Variants in FRY observed in about 807,000 individuals in gnomAD.
FRY encodes protein furry homolog.
Under a neutral mutation model 348.4 loss-of-function variants are expected in FRY, and 128 were observed. That is an observed-to-expected ratio of 0.37 (90% CI 0.32 to 0.43). FRY has a LOEUF of 0.43. FRY is among the 20% of genes least tolerant of loss of function. The pLI is 1.00. For synonymous variants in FRY, 1,370 were observed against 1,374.7 expected (o/e 1.00, Z 0.08); for missense variants, 2,736 against 3,695.2 (o/e 0.74, Z 6.73).
At chr13:32,037,939 G>A (rs182043167) in intron 1 of FRY, among the ~76,000 whole-genome samples, 77 of 152,206 alleles carry the variant, frequency 5.1e-4, no homozygotes, top group Middle Eastern at 3.4e-3. Flanking sequence ...ACTATGTTAG[G>A]GGCTGTTCTG....
chr13:32,118,669 T>C (rs997155838), intron 4 of FRY, among the ~76,000 whole-genome samples: 1 of 152,174 alleles, frequency 6.6e-6, no homozygotes, highest in African/African-American at 2.4e-5. Context: ...GTTTTTAGTA[T>C]ATTTACAGGG....
intron 8 of FRY, among the ~76,000 whole-genome samples, chr13:32,132,384 A>G (rs1472560206): frequency 1.3e-5 from 2 of 152,020 alleles, no homozygotes; most frequent in Non-Finnish European, 1.5e-5. Flanking sequence ...TTGGTATTTG[A>G]AGGAATTTTT....
At chr13:32,227,344 G>T (rs907581964) in intron 39 of FRY, among the ~76,000 whole-genome samples, 1 of 152,084 alleles carries the variant, frequency 6.6e-6, no homozygotes, top group Non-Finnish European at 1.5e-5. Flanking sequence ...TATTATAATA[G>T]AACACTGAGA....
intron 1 of FRY, among the ~76,000 whole-genome samples, chr13:32,073,516 C>A (rs891284786): frequency 6.6e-6 from 1 of 151,876 alleles, no homozygotes; most frequent in Non-Finnish European, 1.5e-5. Context: ...TGTAGTCTGA[C>A]AGTGTGGTAT....
Position 32,192,854 on chromosome 13 carries a change from G to C in FRY, c.3592-1289G>C, listed in dbSNP as rs980545757. 2.7e-5 allele frequency among the ~76,000 whole-genome samples: 4 copies of C among 145,650 alleles called. No individual in the cohort carries two copies. In the South Asian group the frequency reaches 8.7e-4, roughly 32 times the overall value. ...TGCCTCCCGGGTTCAAGTGATTCTC[G>C]TGCCTCAGCCTCCCCAGTAGCTGGG... On this transcript the variant is annotated intron_variant, in intron 28 of 60. Coordinates refer to ENST00000542859, the MANE Select transcript of FRY (RefSeq NM_023037.3).
At chr13:32,095,524 T>C (rs1342192478) in intron 2 of FRY, among the ~76,000 whole-genome samples, 1 of 152,096 alleles carries the variant, frequency 6.6e-6, no homozygotes, top group African/African-American at 2.4e-5. Context: ...TTTGTATTTT[T>C]GGTAGAGACG....
Position 32,244,191 on chromosome 13 carries a change from T to C in FRY, c.6828+9T>C. ...TTGAAAAATATGTGCAAGTGAGTAC[T>C]TGGATAACTTCACTAAGCAACCAGT... is the stretch of plus-strand genomic sequence containing the variant. On this transcript the variant is annotated intron_variant, in intron 47 of 60. Transcript: ENST00000542859. 1 of 1,611,842 alleles carries C rather than the reference T, an allele frequency of 6.2e-7. No individual in the cohort carries two copies. The highest frequency in any genetic ancestry group is 8.5e-7 in the Non-Finnish European group (1 of 1,178,126).
chr13:32,206,533 G>A (rs532363620), intron 31 of FRY, among the ~76,000 whole-genome samples: 3 of 152,184 alleles, frequency 2.0e-5, no homozygotes, highest in Non-Finnish European at 2.9e-5. Flanking sequence ...CCAGTGGGGT[G>A]CAGAGTCAGA....
chr13:32,120,249 G>A (rs1009229333), intron 4 of FRY, among the ~76,000 whole-genome samples: 4 of 152,008 alleles, frequency 2.6e-5, no homozygotes, highest in Non-Finnish European at 4.4e-5. Context: ...AGAAATTGCC[G>A]ATAAATAGAA....
chr13:32,033,762 G>C (rs1341584662), intron 1 of FRY, among the ~76,000 whole-genome samples: 1 of 152,174 alleles, frequency 6.6e-6, no homozygotes, highest in African/African-American at 2.4e-5. Context: ...TAGTGAAGTT[G>C]GTGGCTTTCC....
At chr13:32,262,266 A>G (rs1298519217) in intron 52 of FRY, 48 bp from the exon 53 acceptor site, 1 of 1,483,496 alleles carries the variant, frequency 6.7e-7, no homozygotes, top group East Asian at 2.3e-5. Flanking sequence ...GAGCTTTTAA[A>G]GAATGGGAAC....
intron 16 of FRY, among the ~76,000 whole-genome samples, chr13:32,159,313 C>T (rs1394074367): frequency 1.3e-5 from 2 of 151,856 alleles, no homozygotes; most frequent in Non-Finnish European, 2.9e-5. Context: ...TGGAGGCCCA[C>T]ACAACACTAA....
chr13:32,247,445 T>C lies in FRY; in HGVS notation c.6951T>C (p.Thr2317=). The C allele has an allele frequency of 1.9e-6, 3 of 1,613,530 alleles. No homozygotes were observed. The highest frequency in any genetic ancestry group is 2.5e-6 in the Non-Finnish European group (3 of 1,179,406). Residue 2317 remains threonine, a synonymous_variant, in exon 48 of 61, where the codon ACT becomes ACC. Transcript: ENST00000542859. The stretch of plus-strand genomic sequence containing the variant: ...AAATAGAAATACATCGAGTGTGGAC[T>C]AGTGCTTCCAAGGAATTACCTGGGA... ...LSKIEIHRVW[T]SASKELPGKT...
intron 4 of FRY, among the ~76,000 whole-genome samples, chr13:32,120,497 G>A (rs891111196): frequency 6.6e-6 from 1 of 151,608 alleles, no homozygotes; most frequent in African/African-American, 2.4e-5. Context: ...CGTTATTGGG[G>A]TACAGGTGGT....
intron 17 of FRY, among the ~76,000 whole-genome samples, chr13:32,170,275 T>C (rs932198629): frequency 2.0e-5 from 3 of 152,210 alleles, no homozygotes; most frequent in Admixed American, 6.5e-5. Flanking sequence ...TTAAAAAGTG[T>C]TCATATACAG....
At chr13:32,200,183 C>G (rs1209331362) in intron 29 of FRY, among the ~76,000 whole-genome samples, 1 of 152,130 alleles carries the variant, frequency 6.6e-6, no homozygotes, top group Admixed American at 6.5e-5. Flanking sequence ...TAAAGGCCCC[C>G]GTTCTCAATA....
intron 20 of FRY, among the ~76,000 whole-genome samples, chr13:32,176,217 T>C (rs1252303689): frequency 6.6e-6 from 1 of 152,238 alleles, no homozygotes; most frequent in Non-Finnish European, 1.5e-5. Flanking sequence ...TTGGCAACTT[T>C]CAATTTCCTG....
chr13:32,285,755 A>G (rs771339191), intron 58 of FRY, among the ~76,000 whole-genome samples: 5 of 152,222 alleles, frequency 3.3e-5, no homozygotes, highest in Non-Finnish European at 7.3e-5. Flanking sequence ...CTGCATACTA[A>G]ACGTTTCAGT....
intron 28 of FRY, among the ~76,000 whole-genome samples, chr13:32,192,962 C>G (rs1456031439): frequency 6.6e-6 from 1 of 151,838 alleles, no homozygotes; most frequent in Non-Finnish European, 1.5e-5. Context: ...AGGCTGGTCT[C>G]AAACTCCTGA....
Sources: gnomAD v4.1 joint callset for allele counts (sites outside exome capture counted in the v4.1 genomes callset) on GRCh38, gnomAD v4.1.1 for gene constraint, MANE v1.5 for transcripts, NCBI Gene and HGNC (gene_info 2026-07-23, HGNC 2026-07-21) for gene names.